The following ATP10B variants were observed in gnomAD, a reference collection of about 807,000 sequenced individuals.
ATP10B encodes the protein ATPase phospholipid transporting 10B (putative).
Under a neutral mutation model 141.2 loss-of-function variants are expected in ATP10B, and 122 were observed. The observed-to-expected ratio is 0.86, with a 90% CI of 0.75 to 1.00. ATP10B has a LOEUF of 1.00. Ranked by LOEUF, ATP10B falls within the 50% of genes least tolerant of loss-of-function variation. The probability of loss-of-function intolerance (pLI) is 0.00; values close to 1 mark genes in which losing one functional copy is unlikely to be tolerated. For missense variants in ATP10B, 1,876 were observed against 1,825.3 expected, an observed-to-expected ratio of 1.03 and a Z score of -0.51; for synonymous variants, 685 against 692.0, an observed-to-expected ratio of 0.99 and a Z score of 0.16.
chr5:160,858,973 A>G, the ATP10B span, among the ~76,000 whole-genome samples: 1 of 151,932 alleles, frequency 6.6e-6, no homozygotes, highest in Non-Finnish European at 1.5e-5. Context: ...AGTTTAAGAA[A>G]AGCCTATTGC....
chr5:160,778,339 GAAGA>G (rs763476771), intron 2 of ATP10B, among the ~76,000 whole-genome samples: 5 of 152,184 alleles, frequency 3.3e-5, no homozygotes, highest in Non-Finnish European at 7.3e-5. Context: ...TCCAAGGATG[GAAGA>G]AAGACTGCTC....
rs187789953 is a variant in ATP10B at position 160,845,681 on chromosome 5, T to G, written c.-576+6260A>C. On this transcript the variant is annotated intron_variant, in intron 1 of 25. Coordinates refer to ENST00000327245, the MANE Select transcript of ATP10B (RefSeq NM_025153.3). Reference sequence around the variant, plus strand: ...AGCCCCCTGTGATACCCAAGCCAAATTAAATACATCTTCCTTCAGAACATT... The same window carrying G: ...AGCCCCCTGTGATACCCAAGCCAAAGTAAATACATCTTCCTTCAGAACATT... 2.6e-5 allele frequency among the ~76,000 whole-genome samples: 4 copies of G among 152,218 alleles called. No individual in the cohort carries two copies. The East Asian group carries it at 7.7e-4, about 29-fold the overall frequency.
At chr5:160,820,001 TTAG>T (rs1278164262) in intron 1 of ATP10B, among the ~76,000 whole-genome samples, 1 of 151,122 alleles carries the variant, frequency 6.6e-6, no homozygotes, top group Non-Finnish European at 1.5e-5. Context: ...AAATGCAAAA[TTAG>T]TAGAAGAAAA....
At chr5:160,637,432 T>C (rs1043299803) in intron 10 of ATP10B, among the ~76,000 whole-genome samples, 1 of 152,352 alleles carries the variant, frequency 6.6e-6, no homozygotes, top group South Asian at 2.1e-4. Context: ...CTTGTCATTG[T>C]GGAGTTTGCT....
chr5:160,666,926 T>C (rs1762353740), intron 7 of ATP10B, among the ~76,000 whole-genome samples: 1 of 152,198 alleles, frequency 6.6e-6, no homozygotes, highest in Non-Finnish European at 1.5e-5. Context: ...CCTTAAAAAC[T>C]GAGGCTCTGG....
At chr5:160,777,889 G>A (rs550748347) in intron 2 of ATP10B, among the ~76,000 whole-genome samples, 2 of 152,272 alleles carry the variant, frequency 1.3e-5, no homozygotes, top group Admixed American at 6.5e-5. Context: ...AATAAGTAAT[G>A]GTTGTGTATA....
At chr5:160,827,367 G>A (rs1225749697) in intron 1 of ATP10B, among the ~76,000 whole-genome samples, 1 of 152,086 alleles carries the variant, frequency 6.6e-6, no homozygotes. Context: ...GGTGTGAGAT[G>A]GTATCTAATT....
Position 160,591,129 on chromosome 5 carries a change from A to T in ATP10B, c.3575T>A (p.Leu1192Gln). The change falls in exon 23 of 26, where the codon CTG becomes CAG. Residue 1192 changes from leucine (L) to glutamine (Q), a missense_variant. By Grantham distance (113) the Leu-to-Gln change is moderately radical. Transcript: ENST00000327245. ...KSGQNSECYN[L>Q]STFWISMVDA... Reference sequence around the variant, plus strand: ...CACCATAGAAATCCAGAAAGTCGACAGGTTATAGCACTGCCAGGAGAGAAC... The same window carrying T: ...CACCATAGAAATCCAGAAAGTCGACTGGTTATAGCACTGCCAGGAGAGAAC... 2 of 1,613,860 alleles carry T rather than the reference A, an allele frequency of 1.2e-6. No homozygotes were observed. Among genetic ancestry groups the T allele is most frequent in the Non-Finnish European group, 1.7e-6 (2 of 1,179,858 alleles).
intron 1 of ATP10B, among the ~76,000 whole-genome samples, chr5:160,803,365 C>T (rs1336602871): frequency 1.3e-5 from 2 of 152,100 alleles, no homozygotes; most frequent in Non-Finnish European, 2.9e-5. Flanking sequence ...TTTTTAGAGG[C>T]ATCAACTGAG....
At chr5:160,897,419 T>A in the ATP10B span, among the ~76,000 whole-genome samples, 9 of 152,174 alleles carry the variant, frequency 5.9e-5, no homozygotes, top group African/African-American at 9.7e-5. Context: ...GAGAGCCAAA[T>A]CATGAGTGAA....
At chr5:160,795,142 T>C (rs1333337588) in intron 1 of ATP10B, among the ~76,000 whole-genome samples, 1 of 152,164 alleles carries the variant, frequency 6.6e-6, no homozygotes, top group Admixed American at 6.6e-5. Flanking sequence ...ACATAAGCTA[T>C]TTCATTTATC....
rs1396994309 is a variant in ATP10B at position 160,565,860 on chromosome 5, G to C, written c.3979C>G (p.Leu1327Val). The change falls in exon 26 of 26, where the codon CTA (leucine) becomes GTA (valine). Residue 1327 changes from leucine to valine, a missense_variant. By Grantham distance (32) the Leu-to-Val change is conservative (BLOSUM62 1). Coordinates refer to ENST00000327245, the MANE Select transcript of ATP10B (RefSeq NM_025153.3). ...LSLQGTCGKS[L>V]ISKAQKIDKL... ...TCAATTTTCTGAGCTTTTGAGATTA[G>C]AGACTTCCCACAAGTTCCTTGCAGA... The C allele has an allele frequency of 5.6e-6, 9 of 1,613,550 alleles. No homozygotes were observed. The African/African-American group carries it at 6.7e-5, about 12-fold the overall frequency.
intron 2 of ATP10B, among the ~76,000 whole-genome samples, chr5:160,776,135 G>A (rs1770291281): frequency 1.3e-5 from 2 of 152,080 alleles, no homozygotes; most frequent in South Asian, 4.1e-4. Context: ...GCATGTCAAG[G>A]GATTTGATGG....
At chr5:160,830,065 C>G (rs961705470) in intron 1 of ATP10B, among the ~76,000 whole-genome samples, 1 of 151,962 alleles carries the variant, frequency 6.6e-6, no homozygotes, top group Admixed American at 6.6e-5. Context: ...TTTGCCTGTT[C>G]AGTATGATGT....
the ATP10B span, among the ~76,000 whole-genome samples, chr5:160,887,752 C>G: frequency 2.0e-5 from 3 of 152,258 alleles, no homozygotes; most frequent in Non-Finnish European, 4.4e-5. Flanking sequence ...TTGTTCTTCC[C>G]CAAGATACCT....
chr5:160,787,121 C>G (rs202183655), intron 1 of ATP10B, among the ~76,000 whole-genome samples: 2 of 123,812 alleles, frequency 1.6e-5, no homozygotes, highest in African/African-American at 5.5e-5. Flanking sequence ...CACACACACA[C>G]ACACACACAC....
At chr5:160,770,264 A>G (rs1018865413) in intron 2 of ATP10B, among the ~76,000 whole-genome samples, 5 of 151,602 alleles carry the variant, frequency 3.3e-5, no homozygotes, top group African/African-American at 7.3e-5. Flanking sequence ...GCCACTGGCT[A>G]GTTGCCCTTC....
the ATP10B span, among the ~76,000 whole-genome samples, chr5:160,887,925 T>C: frequency 6.6e-6 from 1 of 152,248 alleles, no homozygotes. Flanking sequence ...ACCTATGATA[T>C]TGTTTGCTTA....
chr5:160,916,911 G>T, the ATP10B span, among the ~76,000 whole-genome samples: 1 of 152,224 alleles, frequency 6.6e-6, no homozygotes, highest in Non-Finnish European at 1.5e-5. Context: ...GTGGTTTACA[G>T]CATGCTGGTA....
Sources: allele counts gnomAD v4.1 joint callset (sites outside exome capture counted in the v4.1 genomes callset), GRCh38; gene constraint gnomAD v4.1.1; transcripts MANE v1.5; gene names NCBI Gene and HGNC (gene_info 2026-07-23, HGNC 2026-07-21).